The following WDFY4 variants were observed in gnomAD, a reference collection of about 807,000 sequenced individuals.
WDFY4 encodes WDFY family member 4.
WDFY4 carries 169 observed loss-of-function variants against 351.9 expected under a neutral mutation model. That is an observed-to-expected ratio of 0.48 (90% CI 0.42 to 0.55). WDFY4 has a LOEUF of 0.55. Ranked by LOEUF, WDFY4 falls within the 20% of genes least tolerant of loss-of-function variation. The probability of loss-of-function intolerance (pLI) is 0.00; values close to 1 mark genes in which losing one functional copy is unlikely to be tolerated. For missense variants in WDFY4, 3,803 were observed against 3,935.6 expected (o/e 0.97, Z 0.90); for synonymous variants, 1,622 against 1,574.6 (o/e 1.03, Z -0.71).
chr10:48,889,691 G>C (rs1365107163), intron 43 of WDFY4, among the ~76,000 whole-genome samples: 2 of 152,172 alleles, frequency 1.3e-5, no homozygotes, highest in Non-Finnish European at 2.9e-5. Context: ...ACCACATGCA[G>C]AACTCTGGGT....
At chr10:48,769,127 C>G (rs2065777149) in intron 13 of WDFY4, among the ~76,000 whole-genome samples, 1 of 152,150 alleles carries the variant, frequency 6.6e-6, no homozygotes, top group Admixed American at 6.5e-5. Flanking sequence ...GAGCAGGCAC[C>G]CACCCATCCC....
Position 48,946,190 on chromosome 10 carries a change from G to A in WDFY4, c.7867+33G>A, listed in dbSNP as rs1019757728. ...GATCCAGCTTGATTTTTGGTGCAGT[G>A]TTATTCATCGGGATGCCCTAAAATG... On this transcript the variant is annotated intron_variant, in intron 50 of 61. Transcript: ENST00000325239. 5.4e-6 allele frequency: 8 copies of A among 1,471,088 alleles called. No homozygotes were observed. The South Asian group carries it at 6.3e-5, about 12-fold the overall frequency. 91.1% of individuals were successfully genotyped at this position (1,471,088 alleles called of 1,614,324 possible).
intron 47 of WDFY4, among the ~76,000 whole-genome samples, chr10:48,941,421 G>C (rs1374965803): frequency 2.6e-5 from 4 of 152,188 alleles, no homozygotes; most frequent in African/African-American, 9.7e-5. Context: ...CACGTTGTTT[G>C]CATTTTATCC....
At chr10:48,936,459 A>G (rs752261584) in intron 47 of WDFY4, among the ~76,000 whole-genome samples, 5 of 152,214 alleles carry the variant, frequency 3.3e-5, no homozygotes, top group Non-Finnish European at 7.3e-5. Context: ...CATAAAGCAC[A>G]TAAAAATAAA....
intron 1 of WDFY4, among the ~76,000 whole-genome samples, chr10:48,699,485 T>C (rs2063421633): frequency 6.6e-6 from 1 of 152,170 alleles, no homozygotes; most frequent in South Asian, 2.1e-4. Context: ...GAGGGGCTCC[T>C]GTTTTGGAGG....
At chr10:48,710,676 C>T (rs969744546) in intron 2 of WDFY4, among the ~76,000 whole-genome samples, 1 of 152,148 alleles carries the variant, frequency 6.6e-6, no homozygotes, top group African/African-American at 2.4e-5. Context: ...GATGCCAACA[C>T]CAAGGCCTGG....
chr10:48,812,791 T>C (rs1436308127), intron 30 of WDFY4, among the ~76,000 whole-genome samples: 1 of 152,200 alleles, frequency 6.6e-6, no homozygotes, highest in Non-Finnish European at 1.5e-5. Context: ...CTGCCTGATG[T>C]ATCTTTCCAA....
At position 48,709,765 on chromosome 10, in the gene WDFY4, C is replaced by G; in HGVS notation, c.33C>G (p.Asp11Glu). MEAEDLSKAE[D>E]RNEDPGSKNE... Reference sequence around the variant, plus strand: ...CAGAAGATCTTTCAAAGGCTGAAGACAGAAATGAAGACCCAGGTTCCAAAA... The same window carrying G: ...CAGAAGATCTTTCAAAGGCTGAAGAGAGAAATGAAGACCCAGGTTCCAAAA... The change falls in exon 2 of 62, where the codon GAC (aspartate) becomes GAG (glutamate). Residue 11 changes from aspartate to glutamate, a missense_variant. By Grantham distance (45) the Asp-to-Glu change is conservative. Around this residue, in one of 3 missense-constraint regions of WDFY4, gnomAD observed 488 missense variants for 456.8 expected, o/e 1.07. Transcript: ENST00000325239. The G allele has an allele frequency of 6.4e-7, 1 of 1,551,988 alleles. No individual in the cohort carries two copies. Among genetic ancestry groups the G allele is most frequent in the Middle Eastern group, 1.7e-4 (1 of 5,996 alleles).
intron 47 of WDFY4, among the ~76,000 whole-genome samples, chr10:48,929,402 GACTCCAT>G (rs1388376726): frequency 2.6e-5 from 4 of 152,162 alleles, no homozygotes; most frequent in Non-Finnish European, 5.9e-5. Context: ...TTGTGTCCTG[GACTCCAT>G]ACTCCAGGCC....
intron 51 of WDFY4, among the ~76,000 whole-genome samples, chr10:48,956,538 C>T (rs937481624): frequency 6.6e-6 from 1 of 152,192 alleles, no homozygotes; most frequent in Non-Finnish European, 1.5e-5. Context: ...TTCTTGCTCT[C>T]CTGCCACCTC....
chr10:48,820,558 A>G (rs1231585063), intron 33 of WDFY4, 121 bp downstream of exon 33: 2 of 1,102,866 alleles, frequency 1.8e-6, no homozygotes, highest in Non-Finnish European at 2.6e-6. Context: ...GTGAAGGGGA[A>G]TCTGTGAACC....
rs143983467 is a variant in WDFY4, at chr10:48,923,506, A to ATATATATATATATATATATGTATG, written c.7587-18293_7587-18292insATATATATATATGTATGTATATAT. ...AACAAATAGTTTTTAGTATATATATATATATATGTCCCAAATACCGCATAG... is the reference window on the plus strand; with the variant it reads ...AACAAATAGTTTTTAGTATATATATATATATATATATATATATATGTATGTATATATGTCCCAAATACCGCATAG... On this transcript the variant is annotated intron_variant, in intron 47 of 61. Coordinates refer to ENST00000325239, the MANE Select transcript of WDFY4 (RefSeq NM_001394531.1). 1.3e-3 allele frequency among the ~76,000 whole-genome samples: 154 copies of ATATATATATATATATATATGTATG among 115,156 alleles called. 12 individuals are homozygous for ATATATATATATATATATATGTATG. The highest frequency in any genetic ancestry group is 8.5e-3 in the East Asian group (31 of 3,640). The allele number at this position is 115,156 out of a possible 152,430, so 75.5% of individuals were successfully genotyped here.
At chr10:48,745,139 G>A (rs2064970110) in intron 12 of WDFY4, among the ~76,000 whole-genome samples, 1 of 151,954 alleles carries the variant, frequency 6.6e-6, no homozygotes, top group Non-Finnish European at 1.5e-5. Context: ...TTTATTTTCA[G>A]TATCATTTAG....
At position 48,778,707 on chromosome 10, in the gene WDFY4, G is replaced by T. The variant is rs895581784; in HGVS notation, c.3272G>T (p.Arg1091Leu). Residue 1091 changes from arginine to leucine, a missense_variant, in exon 18 of 62, where the codon CGC becomes CTC. Physicochemically the swap from Arg to Leu is moderately radical, Grantham distance 102. Around this residue, in one of 3 missense-constraint regions of WDFY4, gnomAD observed 3,054 missense variants for 3,148.6 expected, o/e 0.97. Coordinates refer to ENST00000325239, the MANE Select transcript of WDFY4 (RefSeq NM_001394531.1). ...GCTGCCACTGAGGGCCACCCGCTGCGCTTCCTGACGTTGGTGCGCCACCTG... is the reference window on the plus strand; with the variant it reads ...GCTGCCACTGAGGGCCACCCGCTGCTCTTCCTGACGTTGGTGCGCCACCTG... Reference protein sequence around the residue: ...HGAATEGHPLRFLTLVRHLAR... With the variant: ...HGAATEGHPLLFLTLVRHLAR... 2.6e-6 allele frequency: 4 copies of T among 1,551,646 alleles called. No individual in the cohort carries two copies. The highest frequency in any genetic ancestry group is 1.2e-5 in the South Asian group (1 of 84,064).
chr10:48,733,086 G>C (rs887737913), intron 9 of WDFY4, among the ~76,000 whole-genome samples: 12 of 152,212 alleles, frequency 7.9e-5, no homozygotes, highest in Non-Finnish European at 1.3e-4. Flanking sequence ...CCGTCTCTTT[G>C]TTTGGTGGTT....
At chr10:48,879,843 C>G (rs919332244) in intron 43 of WDFY4, among the ~76,000 whole-genome samples, 7 of 152,144 alleles carry the variant, frequency 4.6e-5, no homozygotes, top group African/African-American at 1.7e-4. Flanking sequence ...TGGGTGGTAC[C>G]CTTCTCACCC....
chr10:48,795,298 A>G (rs1233282011), intron 23 of WDFY4, among the ~76,000 whole-genome samples: 1 of 151,756 alleles, frequency 6.6e-6, no homozygotes, highest in Admixed American at 6.6e-5. Context: ...AAGCAATGAA[A>G]CCATGATCTT....
chr10:48,915,577 T>C (rs1191324883), intron 47 of WDFY4, among the ~76,000 whole-genome samples: 2 of 152,172 alleles, frequency 1.3e-5, no homozygotes, highest in Non-Finnish European at 2.9e-5. Flanking sequence ...CAAGTTGATA[T>C]AGCACATGAA....
At chr10:48,878,958 T>A (rs959820797) in intron 43 of WDFY4, among the ~76,000 whole-genome samples, 1 of 152,246 alleles carries the variant, frequency 6.6e-6, no homozygotes, top group Non-Finnish European at 1.5e-5. Context: ...ATCTACTATG[T>A]GAAATTTTGA....
Sources: allele counts gnomAD v4.1 joint callset (sites outside exome capture counted in the v4.1 genomes callset), GRCh38; gene constraint gnomAD v4.1.1; regional missense constraint gnomAD v4.1.1; transcripts MANE v1.5; gene names NCBI Gene and HGNC (gene_info 2026-07-23, HGNC 2026-07-21).